Variants in BBS12 observed in about 807,000 individuals in gnomAD.
The protein encoded by BBS12 is Bardet-Biedl syndrome 12.
A neutral mutation model predicts 5.6 loss-of-function variants in BBS12; 5 were observed. The observed-to-expected ratio is 0.89, with a 90% CI of 0.46 to 1.86. BBS12 has a LOEUF of 1.86. BBS12 is among the 40% of genes most tolerant of loss of function. BBS12 has a pLI of 0.01. For missense variants in BBS12, 748 were observed against 830.4 expected (o/e 0.90, Z 1.22); for synonymous variants, 308 against 306.8 (o/e 1.00, Z -0.04).
intron 1 of BBS12, among the ~76,000 whole-genome samples, chr4:122,735,170 G>A (rs1800767461): frequency 6.6e-6 from 1 of 152,124 alleles, no homozygotes; most frequent in Admixed American, 6.5e-5. Flanking sequence ...TCTACCCCAG[G>A]GCATTAGAGA....
At chr4:122,737,627 G>A (rs561396770) in intron 1 of BBS12, among the ~76,000 whole-genome samples, 1 of 152,214 alleles carries the variant, frequency 6.6e-6, no homozygotes, top group Middle Eastern at 3.4e-3. Context: ...AATTATTCTG[G>A]AGCAACTGGA....
At chr4:122,731,503 G>T (rs1189959368), upstream of BBS12, 1 of 152,096 alleles carries the variant, frequency 6.6e-6, no homozygotes, top group African/African-American at 2.4e-5. Flanking sequence ...GCCCTAAAAT[G>T]TAGCAGGTTA....
Position 122,743,590 on chromosome 4 carries a change from A to C in BBS12, c.1698A>C (p.Ser566=), listed in dbSNP as rs746904755. The change falls in exon 2 of 2, where the codon TCA becomes TCC. Residue 566 remains serine, a synonymous_variant. Transcript: ENST00000314218. The part of the protein sequence containing the change: ...QSLKKENHAC[S]GWLHNTSSWL... ...TGAAAAAAGAAAACCATGCCTGCTC[A>C]GGGTGGCTGCATAATACTTCCTCTT... 60 of 1,614,116 alleles carry C rather than the reference A, an allele frequency of 3.7e-5. No individual in the cohort carries two copies. In the East Asian group the frequency reaches 1.3e-3, roughly 34 times the overall value.
the BBS12 span, among the ~76,000 whole-genome samples, chr4:122,708,917 TC>T: frequency 1.3e-5 from 2 of 152,132 alleles, no homozygotes; most frequent in Non-Finnish European, 2.9e-5. Context: ...GTTATAACTA[TC>T]AACGGTATTA....
At chr4:122,735,870 G>A (rs1238192076) in intron 1 of BBS12, among the ~76,000 whole-genome samples, 1 of 152,144 alleles carries the variant, frequency 6.6e-6, no homozygotes, top group Admixed American at 6.5e-5. Flanking sequence ...GAAAAAGAAA[G>A]TATAACAGAT....
chr4:122,710,887 A>G, the BBS12 span, among the ~76,000 whole-genome samples: 1 of 152,172 alleles, frequency 6.6e-6, no homozygotes, highest in Admixed American at 6.5e-5. Flanking sequence ...TGCCACGGAA[A>G]TGAGAGCTGC....
chr4:122,714,258 C>T, the BBS12 span, among the ~76,000 whole-genome samples: 1 of 152,276 alleles, frequency 6.6e-6, no homozygotes, highest in African/African-American at 2.4e-5. Flanking sequence ...CTCACCAGAA[C>T]CCTGTTATCC....
chr4:122,736,967 G>T (rs1423357062), intron 1 of BBS12, among the ~76,000 whole-genome samples: 1 of 152,102 alleles, frequency 6.6e-6, no homozygotes, highest in Admixed American at 6.5e-5. Flanking sequence ...CTTGAATATT[G>T]ATTTTGATAT....
At chr4:122,720,031 T>A in the BBS12 span, among the ~76,000 whole-genome samples, 1 of 152,184 alleles carries the variant, frequency 6.6e-6, no homozygotes. Context: ...GGCTCTACAA[T>A]TTTTCACTCA....
chr4:122,722,115 G>A, the BBS12 span, among the ~76,000 whole-genome samples: 9 of 152,214 alleles, frequency 5.9e-5, no homozygotes, highest in African/African-American at 1.9e-4. Flanking sequence ...TGTATGGTGT[G>A]AGACTGGGGG....
upstream of BBS12, chr4:122,732,563 T>G (rs1256958066): frequency 1.3e-5 from 2 of 152,504 alleles, no homozygotes; most frequent in African/African-American, 4.8e-5. Flanking sequence ...CCACCCAGCC[T>G]GAGTTATTGA....
chr4:122,719,692 A>G, the BBS12 span, among the ~76,000 whole-genome samples: 1 of 152,224 alleles, frequency 6.6e-6, no homozygotes, highest in Admixed American at 6.5e-5. Context: ...GGAAAAACCT[A>G]GCAGAAAACA....
upstream of BBS12, chr4:122,728,701 G>C (rs1411261642): frequency 6.6e-6 from 1 of 152,212 alleles, no homozygotes; most frequent in Admixed American, 6.5e-5. Flanking sequence ...ACTTGAGAAT[G>C]CTCATGAGCA....
chr4:122,719,595 A>G, the BBS12 span, among the ~76,000 whole-genome samples: 19 of 152,152 alleles, frequency 1.2e-4, no homozygotes, highest in East Asian at 3.5e-3. Context: ...GAGCTGTAAC[A>G]CTCACTGAGA....
At chr4:122,738,248 G>A (rs139467887) in intron 1 of BBS12, among the ~76,000 whole-genome samples, 7 of 151,906 alleles carry the variant, frequency 4.6e-5, no homozygotes, top group Admixed American at 1.3e-4. Flanking sequence ...ACAGAGTCTC[G>A]CTCTGTTGCC....
At chr4:122,741,819 C>G in intron 1 of BBS12, 64 bp from the exon 2 acceptor site, 6 of 1,399,692 alleles carry the variant, frequency 4.3e-6, no homozygotes, top group Non-Finnish European at 6.0e-6. Flanking sequence ...GTTTTTATTT[C>G]TATATAGCAT....
intron 1 of BBS12, among the ~76,000 whole-genome samples, chr4:122,738,196 T>C (rs1260123522): frequency 1.3e-5 from 2 of 152,050 alleles, no homozygotes; most frequent in African/African-American, 4.8e-5. Context: ...AACAAAAAAA[T>C]AGGTAAATTA....
At chr4:122,737,510 A>G (rs72913892) in intron 1 of BBS12, among the ~76,000 whole-genome samples, 10,016 of 152,256 alleles carry the variant, frequency 0.066, 1,120 homozygotes, top group African/African-American at 0.22. Flanking sequence ...TGAATACTAC[A>G]TTACATAATA....
the BBS12 span, among the ~76,000 whole-genome samples, chr4:122,700,537 C>A: frequency 6.6e-6 from 1 of 152,232 alleles, no homozygotes; most frequent in South Asian, 2.1e-4. Flanking sequence ...CACAGTGAAT[C>A]CGGATTCTGT....
Sources: gnomAD v4.1 joint callset for allele counts (sites outside exome capture counted in the v4.1 genomes callset) on GRCh38, gnomAD v4.1.1 for gene constraint, MANE v1.5 for transcripts, NCBI Gene and HGNC (gene_info 2026-07-23, HGNC 2026-07-21) for gene names.